Variants in EIF5 observed in about 807,000 individuals in gnomAD.
The protein encoded by EIF5 is eukaryotic translation initiation factor 5.
In EIF5, 10 loss-of-function variants were observed where a neutral mutation model predicts 48.3. The observed-to-expected ratio is 0.21, with a 90% CI of 0.13 to 0.35. The LOEUF (loss-of-function observed/expected upper bound fraction) is 0.35, where lower values mean the gene tolerates loss of function less well. Ranked by LOEUF, EIF5 falls within the 10% of genes least tolerant of loss-of-function variation. The pLI is 1.00. For missense variants in EIF5, 397 were observed against 533.2 expected (o/e 0.74, Z 2.51); for synonymous variants, 237 against 173.1 (o/e 1.37, Z -2.90).
chr14:103,339,844 T>TG (rs755170830), intron 10 of EIF5, 41 bp downstream of exon 10: 5 of 1,584,122 alleles, frequency 3.2e-6, no homozygotes, highest in African/African-American at 2.7e-5. Context: ...TCACAGGTTT[T>TG]GGGGGGTTTT....
chr14:103,336,185 A>T (rs1185556656), intron 4 of EIF5, 68 bp downstream of exon 4: 3 of 1,469,980 alleles, frequency 2.0e-6, no homozygotes, highest in African/African-American at 2.8e-5. Context: ...TTGAGCTGCA[A>T]AACTTGTTCT....
intron 6 of EIF5, chr14:103,338,038 C>T: frequency 1.7e-6 from 1 of 574,438 alleles, no homozygotes; most frequent in South Asian, 1.5e-5. Flanking sequence ...TGACAGGGAT[C>T]CTTAGGGCCA....
At position 103,339,889 on chromosome 14, in the gene EIF5, C is replaced by A. The variant is rs1292385848; in HGVS notation, c.1071+86C>A. ...TTGATTGTTTTTGGAGACGGAGTCTCATTCTGTTGTCCAGGCAGGAGTACA... is the reference window on the plus strand; with the variant it reads ...TTGATTGTTTTTGGAGACGGAGTCTAATTCTGTTGTCCAGGCAGGAGTACA... On this transcript the variant is annotated intron_variant, in intron 10 of 11. Transcript: ENST00000216554. 2.1e-6 allele frequency: 3 copies of A among 1,441,582 alleles called. No individual in the cohort carries two copies. In the African/African-American group the frequency reaches 4.3e-5, roughly 21 times the overall value. 89.3% of individuals were successfully genotyped at this position (1,441,582 alleles called of 1,614,324 possible). A position where few individuals can be genotyped will look rare whatever the true frequency, so the allele number is the denominator to read the frequency against.
rs985635093 is a variant in EIF5, at chr14:103,335,798, G to A, written c.-63G>A. 2 of 1,553,748 alleles carry A rather than the reference G, an allele frequency of 1.3e-6. No individual in the cohort carries two copies. The highest frequency in any genetic ancestry group is 1.8e-6 in the Non-Finnish European group (2 of 1,125,896). On this transcript the variant is annotated 5_prime_UTR_variant, in exon 3 of 12. Transcript: ENST00000216554. ...GTCATCCCTTCTTCTCCAGACAGAA[G>A]ATACCAAAAAGTTGCAATCAAAGAT... is the stretch of plus-strand genomic sequence containing the variant.
chr14:103,337,438 C>G, intron 6 of EIF5: 1 of 528,780 alleles, frequency 1.9e-6, no homozygotes, highest in South Asian at 2.6e-5. Context: ...AACCCGTCTA[C>G]TAAAAACACA....
rs994055836 is a variant in EIF5, at chr14:103,336,209, C to G, written c.154+92C>G. On this transcript the variant is annotated intron_variant, in intron 4 of 11. Coordinates refer to ENST00000216554, the MANE Select transcript of EIF5 (RefSeq NM_001969.5). Reference sequence around the variant, plus strand: ...AAAACTTGTTCTAATTGTATGCTAGCTAATTACCTTACAAGTTAAGTGAGG... The same window carrying G: ...AAAACTTGTTCTAATTGTATGCTAGGTAATTACCTTACAAGTTAAGTGAGG... 19 of 1,250,094 alleles carry G rather than the reference C, an allele frequency of 1.5e-5. No homozygotes were observed. The East Asian group carries it at 3.0e-4, about 20-fold the overall frequency. 77.4% of individuals were successfully genotyped at this position (1,250,094 alleles called of 1,614,324 possible). A position where few individuals can be genotyped will look rare whatever the true frequency, so the allele number is the denominator to read the frequency against.
intron 5 of EIF5, 101 bp from the exon 6 acceptor site, chr14:103,337,015 A>T: frequency 7.3e-7 from 1 of 1,368,930 alleles, no homozygotes; most frequent in Non-Finnish European, 9.9e-7. Context: ...CACTGTGTGA[A>T]AAAAGTTTTC....
In EIF5 at chr14:103,342,326, G is replaced by A. The variant is rs564798929; in HGVS notation, c.*1274G>A. On this transcript the variant is annotated 3_prime_UTR_variant, in exon 12 of 12. Coordinates refer to ENST00000216554, the MANE Select transcript of EIF5 (RefSeq NM_001969.5). ...AAGGACCTGACAGAGCCCATGCAGG[G>A]CTTTAGATTTGGACACACAAGAGTT... 2.0e-5 allele frequency: 3 copies of A among 152,264 alleles called. No homozygotes were observed. The South Asian group carries it at 6.2e-4, about 32-fold the overall frequency. The allele number at this position is 152,264 out of a possible 1,614,324, so 9.4% of individuals were successfully genotyped here.
chr14:103,340,691 A>G, intron 11 of EIF5, 130 bp downstream of exon 11: 2 of 1,229,824 alleles, frequency 1.6e-6, no homozygotes, highest in South Asian at 3.1e-5. Context: ...ATGCAGTAAA[A>G]TACAGCCTCT....
Position 103,338,367 on chromosome 14 carries a change from G to A in EIF5, c.480G>A (p.Lys160=). The change falls in exon 7 of 12, where the codon AAG becomes AAA. Residue 160 remains lysine, a synonymous_variant. Coordinates refer to ENST00000216554, the MANE Select transcript of EIF5 (RefSeq NM_001969.5). ...GTACAGGAAAGAAAGAAAAAGAAAA[G>A]AAAAACAGAAAGGGCAAAGACAAGG... is the stretch of plus-strand genomic sequence containing the variant. ...DSGTGKKEKE[K]KNRKGKDKEN... 1.2e-6 allele frequency: 2 copies of A among 1,614,010 alleles called. No homozygotes were observed. The highest frequency in any genetic ancestry group is 1.7e-6 in the Non-Finnish European group (2 of 1,179,954).
Position 103,344,653 on chromosome 14 carries a change from C to G in EIF5, c.*3601C>G, listed in dbSNP as rs1205133429. ...CCTGGCTGGGGCAGTAGGGGAAATTCCACCCAATTTTGCTATGAGCCTAAA... is the reference window on the plus strand; with the variant it reads ...CCTGGCTGGGGCAGTAGGGGAAATTGCACCCAATTTTGCTATGAGCCTAAA... On this transcript the variant is annotated 3_prime_UTR_variant, in exon 12 of 12. Transcript: ENST00000216554. The G allele has an allele frequency of 2.0e-5, 3 of 152,078 alleles. No individual in the cohort carries two copies. The highest frequency in any genetic ancestry group is 4.4e-5 in the Non-Finnish European group (3 of 68,018). The allele number at this position is 152,078 out of a possible 1,614,324, so 9.4% of individuals were successfully genotyped here. A position where few individuals can be genotyped will look rare whatever the true frequency, so the allele number is the denominator to read the frequency against.
rs2089318799 is a variant in EIF5 at position 103,338,727 on chromosome 14, A to G, written c.586-8A>G. 1.9e-6 allele frequency: 3 copies of G among 1,611,566 alleles called. No homozygotes were observed. Among genetic ancestry groups the G allele is most frequent in the South Asian group, 1.1e-5 (1 of 90,470 alleles). On this transcript the variant is annotated splice_polypyrimidine_tract_variant and splice_region_variant and intron_variant, in intron 7 of 11. Transcript: ENST00000216554. ...CCTTTGATCAAGTAGCTCTGTTTTC[A>G]TAAACAGGAAGAAGAGGAGGATGAT...
At position 103,334,252 on chromosome 14, in the gene EIF5, A is replaced by T. The variant is rs1480653858; in HGVS notation, c.-426A>T. ...GGCGTTGTTCAGTCAGAGCGAGAAC[A>T]TTCCAGAGGTGAGTCCGGTGAAGGG... On this transcript the variant is annotated 5_prime_UTR_variant, in exon 1 of 12. Coordinates refer to ENST00000216554, the MANE Select transcript of EIF5 (RefSeq NM_001969.5). The T allele has an allele frequency of 2.0e-5, 3 of 152,160 alleles. No individual in the cohort carries two copies. The highest frequency in any genetic ancestry group is 7.3e-5 in the African/African-American group (3 of 41,364). The allele number at this position is 152,160 out of a possible 1,614,324, so 9.4% of individuals were successfully genotyped here. A position where few individuals can be genotyped will look rare whatever the true frequency, so the allele number is the denominator to read the frequency against.
rs923886856 is a variant in EIF5, at chr14:103,342,031, C to G, written c.*979C>G. ...TAATTTTCCCCTCTTGCAGTTTGTTCTGTAATGCCTTTTACATTTGGACAC... is the reference window on the plus strand; with the variant it reads ...TAATTTTCCCCTCTTGCAGTTTGTTGTGTAATGCCTTTTACATTTGGACAC... On this transcript the variant is annotated 3_prime_UTR_variant, in exon 12 of 12. Coordinates refer to ENST00000216554, the MANE Select transcript of EIF5 (RefSeq NM_001969.5). 1.3e-5 allele frequency: 2 copies of G among 152,550 alleles called. No individual in the cohort carries two copies. Among genetic ancestry groups the G allele is most frequent in the Non-Finnish European group, 2.9e-5 (2 of 68,016 alleles). 9.4% of individuals were successfully genotyped at this position (152,550 alleles called of 1,614,324 possible). A position where few individuals can be genotyped will look rare whatever the true frequency, so the allele number is the denominator to read the frequency against.
At chr14:103,338,986 T>C in intron 8 of EIF5, 93 bp downstream of exon 8, 1 of 1,511,054 alleles carries the variant, frequency 6.6e-7, no homozygotes, top group Non-Finnish European at 8.9e-7. Context: ...TTAGGATTAC[T>C]CTAATGCACG....
chr14:103,340,257 T>C lies in EIF5; in HGVS notation c.1072-170T>C. 5 of 689,818 alleles carry C rather than the reference T, an allele frequency of 7.2e-6. No homozygotes were observed. The East Asian group carries it at 7.5e-5, about 10-fold the overall frequency. The allele number at this position is 689,818 out of a possible 1,614,324, so 42.7% of individuals were successfully genotyped here. A position where few individuals can be genotyped will look rare whatever the true frequency, so the allele number is the denominator to read the frequency against. On this transcript the variant is annotated intron_variant, in intron 10 of 11. Coordinates refer to ENST00000216554, the MANE Select transcript of EIF5 (RefSeq NM_001969.5). The stretch of plus-strand genomic sequence containing the variant: ...ATTGTGATTCGCATCATGTCAGATT[T>C]GTAGTCATAACAGACTGCTGAGACT...
rs549615031 is a variant in EIF5, at chr14:103,336,756, A to G, written c.234A>G (p.Gly78=). The G allele has an allele frequency of 5.1e-5, 83 of 1,614,176 alleles. No individual in the cohort carries two copies. The South Asian group carries it at 8.6e-4, about 17-fold the overall frequency. ...DVKNDRYIVN[G]SHEANKLQDM... is the part of the protein sequence containing the mutation. ...AGAATGACCGTTACATTGTCAATGG[A>G]TCTCATGAGGCGAATAAGCTGCAAG... Residue 78 remains glycine (G), a synonymous_variant, in exon 5 of 12, where the codon GGA becomes GGG. Coordinates refer to ENST00000216554, the MANE Select transcript of EIF5 (RefSeq NM_001969.5).
rs2089396918 is a variant in EIF5, at chr14:103,344,923, A to G, written c.*3871A>G. On this transcript the variant is annotated 3_prime_UTR_variant, in exon 12 of 12. Transcript: ENST00000216554. ...CCTAAAATGTGACAAAAGATGTTGA[A>G]AGGATGAAAAAAGGTATAGTAGACA... The G allele has an allele frequency of 6.6e-6, 1 of 152,232 alleles. No individual in the cohort carries two copies. Among genetic ancestry groups the G allele is most frequent in the Non-Finnish European group, 1.5e-5 (1 of 68,048 alleles). The allele number at this position is 152,232 out of a possible 1,614,324, so 9.4% of individuals were successfully genotyped here.
Position 103,335,689 on chromosome 14 carries a change from A to G in EIF5, c.-172A>G, listed in dbSNP as rs1178119335. ...AGCCATTGGTACCTGTATTGGGGAA[A>G]CATAGCATACAAGCAAGAAGCTTAC... On this transcript the variant is annotated 5_prime_UTR_variant, in exon 3 of 12. Coordinates refer to ENST00000216554, the MANE Select transcript of EIF5 (RefSeq NM_001969.5). The G allele has an allele frequency of 4.7e-6, 3 of 637,326 alleles. No homozygotes were observed. Among genetic ancestry groups the G allele is most frequent in the Non-Finnish European group, 8.3e-6 (3 of 361,776 alleles). The allele number at this position is 637,326 out of a possible 1,614,324, so 39.5% of individuals were successfully genotyped here. A position where few individuals can be genotyped will look rare whatever the true frequency, so the allele number is the denominator to read the frequency against.
Sources: allele counts gnomAD v4.1 joint callset, GRCh38; gene constraint gnomAD v4.1.1; transcripts MANE v1.5; gene names NCBI Gene and HGNC (gene_info 2026-07-23, HGNC 2026-07-21).